The following PTPRT variants were observed in gnomAD, a reference collection of about 807,000 sequenced individuals.
PTPRT encodes protein tyrosine phosphatase receptor type T.
Under a neutral mutation model 176.8 loss-of-function variants are expected in PTPRT, and 56 were observed. That is an observed-to-expected ratio of 0.32 (90% CI 0.26 to 0.40). The LOEUF is 0.40. PTPRT is among the 10% of genes least tolerant of loss of function. PTPRT has a pLI of 1.00. For synonymous variants in PTPRT, 783 were observed against 739.0 expected (o/e 1.06, Z -0.96); for missense variants, 1,540 against 1,908.2 (o/e 0.81, Z 3.60).
intron 8 of PTPRT, among the ~76,000 whole-genome samples, chr20:42,455,242 T>C (rs975898716): frequency 4.6e-5 from 7 of 152,240 alleles, no homozygotes; most frequent in African/African-American, 1.7e-4. Flanking sequence ...TCTCTTTCTG[T>C]ACTTGTCTTG....
chr20:42,169,975 C>A (rs1451252329), intron 16 of PTPRT, among the ~76,000 whole-genome samples: 2 of 152,104 alleles, frequency 1.3e-5, no homozygotes, highest in Non-Finnish European at 1.5e-5. Flanking sequence ...AAATAAAAAT[C>A]TTTTATATGA....
At chr20:43,158,384 G>C (rs899658164) in intron 1 of PTPRT, among the ~76,000 whole-genome samples, 1 of 152,170 alleles carries the variant, frequency 6.6e-6, no homozygotes, top group East Asian at 1.9e-4. Flanking sequence ...GAAATGCCAC[G>C]CAGTTAAATA....
chr20:42,966,683 G>A (rs369671578), intron 1 of PTPRT, among the ~76,000 whole-genome samples: 28 of 152,242 alleles, frequency 1.8e-4, no homozygotes, highest in African/African-American at 5.3e-4. Flanking sequence ...TGCTTCCCCC[G>A]CAACAGAGTT....
intron 9 of PTPRT, among the ~76,000 whole-genome samples, chr20:42,405,430 A>G (rs1324483565): frequency 6.6e-6 from 1 of 152,068 alleles, no homozygotes; most frequent in African/African-American, 2.4e-5. Context: ...CCTATGAGTG[A>G]GAACATGCAG....
chr20:42,342,860 C>T (rs144045993), intron 11 of PTPRT, among the ~76,000 whole-genome samples: 57 of 152,310 alleles, frequency 3.7e-4, no homozygotes, highest in African/African-American at 1.2e-3. Flanking sequence ...TAAAAGTAGG[C>T]TGTATCTCCA....
At chr20:43,017,881 G>A (rs1031057011) in intron 1 of PTPRT, among the ~76,000 whole-genome samples, 1 of 152,230 alleles carries the variant, frequency 6.6e-6, no homozygotes, top group Non-Finnish European at 1.5e-5. Flanking sequence ...CTGCTGGCAG[G>A]AGCTGGAGGT....
chr20:42,173,515 C>CA (rs1487649065), intron 16 of PTPRT, among the ~76,000 whole-genome samples: 1 of 151,976 alleles, frequency 6.6e-6, no homozygotes, highest in African/African-American at 2.4e-5. Context: ...AAAATTCTAT[C>CA]AAAATCAGTG....
At chr20:42,889,127 T>A (rs1444876249) in intron 1 of PTPRT, among the ~76,000 whole-genome samples, 1 of 152,066 alleles carries the variant, frequency 6.6e-6, no homozygotes, top group Non-Finnish European at 1.5e-5. Flanking sequence ...ACTCAGCTGA[T>A]ACTGAGCTGA....
chr20:43,144,923 C>T (rs1439208496), intron 1 of PTPRT, among the ~76,000 whole-genome samples: 1 of 152,188 alleles, frequency 6.6e-6, no homozygotes, highest in Non-Finnish European at 1.5e-5. Context: ...CCATTCACCC[C>T]ACTGGCCTCA....
At chr20:42,607,156 G>A (rs2073892623) in intron 7 of PTPRT, among the ~76,000 whole-genome samples, 1 of 151,744 alleles carries the variant, frequency 6.6e-6, no homozygotes, top group African/African-American at 2.4e-5. Flanking sequence ...CATAGAGACA[G>A]GAAGTAGAAT....
intron 2 of PTPRT, among the ~76,000 whole-genome samples, chr20:42,800,939 T>A (rs1246620849): frequency 6.6e-6 from 1 of 152,088 alleles, no homozygotes; most frequent in East Asian, 1.9e-4. Flanking sequence ...CACGACTGGG[T>A]CTGAAAGCAA....
intron 6 of PTPRT, among the ~76,000 whole-genome samples, chr20:42,710,826 T>C (rs73907243): frequency 0.037 from 5,590 of 152,292 alleles, 331 homozygotes; most frequent in East Asian, 0.24. Context: ...CTCCAACCCA[T>C]GAGAGCAGCC....
chr20:42,177,452 C>G (rs565794535), intron 16 of PTPRT, among the ~76,000 whole-genome samples: 19 of 152,176 alleles, frequency 1.2e-4, no homozygotes, highest in African/African-American at 4.6e-4. Flanking sequence ...ATGGCCTTAA[C>G]CCTGGAAAGA....
At chr20:42,316,621 T>G (rs1043782348) in intron 11 of PTPRT, among the ~76,000 whole-genome samples, 1 of 152,230 alleles carries the variant, frequency 6.6e-6, no homozygotes, top group Non-Finnish European at 1.5e-5. Context: ...ACTCCTAATC[T>G]TGGCATTTGA....
rs1424636058 is a variant in PTPRT at position 42,196,983 on chromosome 20, T to A, written c.2491+2257A>T. The stretch of plus-strand genomic sequence containing the variant: ...AGGGAAGTACGTCATATCAGCTATG[T>A]CATATTTTTGCCAAAATGTGTAACC... On this transcript the variant is annotated intron_variant, in intron 16 of 30. Coordinates refer to ENST00000373187, the MANE Select transcript of PTPRT (RefSeq NM_007050.6). Among the ~76,000 whole-genome samples the A allele has an allele frequency of 5.3e-5, 8 of 152,188 alleles. No homozygotes were observed. In the South Asian group the frequency reaches 1.7e-3, roughly 32 times the overall value.
At chr20:42,383,454 T>C (rs2058715261) in intron 9 of PTPRT, among the ~76,000 whole-genome samples, 1 of 151,298 alleles carries the variant, frequency 6.6e-6, no homozygotes, top group Non-Finnish European at 1.5e-5. Flanking sequence ...TGGACCAACC[T>C]GGCTGATAAC....
chr20:42,295,994 T>A (rs2057381239), intron 12 of PTPRT, among the ~76,000 whole-genome samples: 1 of 152,196 alleles, frequency 6.6e-6, no homozygotes, highest in African/African-American at 2.4e-5. Context: ...GAACTGTGAG[T>A]CAAACAAATA....
intron 16 of PTPRT, among the ~76,000 whole-genome samples, chr20:42,164,420 A>G (rs1030698927): frequency 6.6e-6 from 1 of 152,264 alleles, no homozygotes. Context: ...TTGAAATTTA[A>G]CAACTTGTAT....
intron 7 of PTPRT, among the ~76,000 whole-genome samples, chr20:42,531,810 T>C (rs1017322959): frequency 6.6e-6 from 1 of 152,176 alleles, no homozygotes; most frequent in Non-Finnish European, 1.5e-5. Flanking sequence ...ACATGAGAGA[T>C]AGAGGAAACC....
Sources: allele counts gnomAD v4.1 joint callset (sites outside exome capture counted in the v4.1 genomes callset), GRCh38; gene constraint gnomAD v4.1.1; transcripts MANE v1.5; gene names NCBI Gene and HGNC (gene_info 2026-07-23, HGNC 2026-07-21).